Variants in WDR7 observed in about 807,000 individuals in gnomAD.
WDR7 encodes the protein WD repeat-containing protein 7.
A neutral mutation model predicts 169.4 loss-of-function variants in WDR7; 46 were observed. The ratio of observed to expected loss-of-function variants is 0.27; its 90% CI spans 0.21 to 0.35. WDR7 has a LOEUF of 0.35. Ranked by LOEUF, WDR7 falls within the 10% of genes least tolerant of loss-of-function variation. The pLI, the probability that WDR7 is intolerant of heterozygous loss-of-function variation, is 1.00. For missense variants in WDR7, 1,534 were observed against 1,859.3 expected, an observed-to-expected ratio of 0.83 and a Z score of 3.22; for synonymous variants, 612 against 666.8, an observed-to-expected ratio of 0.92 and a Z score of 1.27.
intron 16 of WDR7, 48 bp from the exon 17 acceptor site, chr18:56,776,724 TCAGAAACTGC>T: frequency 6.7e-7 from 1 of 1,496,580 alleles, no homozygotes. Context: ...AAGCTTTTTT[TCAGAAACTGC>T]TGTACTTCAA....
At chr18:56,810,857 T>A (rs1456856089) in intron 19 of WDR7, among the ~76,000 whole-genome samples, 4 of 152,066 alleles carry the variant, frequency 2.6e-5, no homozygotes, top group Non-Finnish European at 5.9e-5. Flanking sequence ...TGATTTAGAG[T>A]TGTACAAGCA....
downstream of WDR7, chr18:57,033,575 G>T (rs944754816): frequency 1.3e-5 from 2 of 152,094 alleles, no homozygotes; most frequent in Non-Finnish European, 2.9e-5. Flanking sequence ...CTTTATTTAA[G>T]AAAAGCTTTT....
chr18:56,861,729 T>A (rs1259184134), intron 20 of WDR7, among the ~76,000 whole-genome samples: 1 of 152,166 alleles, frequency 6.6e-6, no homozygotes, highest in African/African-American at 2.4e-5. Context: ...GTGAACAGCA[T>A]GTTAAGGTTT....
intron 22 of WDR7, among the ~76,000 whole-genome samples, chr18:56,928,632 A>G (rs2046838870): frequency 6.6e-6 from 1 of 152,190 alleles, no homozygotes; most frequent in Non-Finnish European, 1.5e-5. Context: ...GCAGGGATAT[A>G]GTGGCCTGGG....
At chr18:56,914,560 C>T (rs1052529912) in intron 21 of WDR7, among the ~76,000 whole-genome samples, 2 of 152,144 alleles carry the variant, frequency 1.3e-5, no homozygotes, top group East Asian at 1.9e-4. Context: ...CCATCTCTTT[C>T]GCTCATGCCA....
At chr18:56,657,581 T>G (rs1265429451) in intron 1 of WDR7, among the ~76,000 whole-genome samples, 1 of 152,250 alleles carries the variant, frequency 6.6e-6, no homozygotes, top group African/African-American at 2.4e-5. Context: ...AGCTGAGAGC[T>G]ATGGATAGCT....
intron 25 of WDR7, among the ~76,000 whole-genome samples, chr18:56,949,244 A>C (rs2047148172): frequency 6.6e-6 from 1 of 152,064 alleles, no homozygotes; most frequent in Non-Finnish European, 1.5e-5. Context: ...TCAGGATCTC[A>C]TCAAAATTGA....
chr18:56,664,209 C>A (rs1383696589), intron 1 of WDR7, among the ~76,000 whole-genome samples: 1 of 152,104 alleles, frequency 6.6e-6, no homozygotes, highest in Non-Finnish European at 1.5e-5. Flanking sequence ...GGATTGTTGA[C>A]CCCTTCATGT....
intron 1 of WDR7, among the ~76,000 whole-genome samples, chr18:56,654,228 T>C (rs1214797455): frequency 6.6e-6 from 1 of 152,048 alleles, no homozygotes; most frequent in Non-Finnish European, 1.5e-5. Flanking sequence ...GTCTCCCAGG[T>C]TCAAGCGATT....
downstream of WDR7, chr18:57,030,300 T>C (rs1268588046): frequency 6.6e-6 from 1 of 152,216 alleles, no homozygotes; most frequent in African/African-American, 2.4e-5. Flanking sequence ...CTCTTAATTA[T>C]TTCAGATAAG....
In WDR7 at chr18:57,027,641, C is replaced by G. The variant is rs371644384; in HGVS notation, c.*434C>G. The stretch of plus-strand genomic sequence containing the variant: ...CCGTTCTGACACTGGGTGTTGAGGT[C>G]ATGTGGCAGTCCTCACGATTGAAAT... On this transcript the variant is annotated 3_prime_UTR_variant, in exon 28 of 28. Transcript: ENST00000254442. The G allele has an allele frequency of 3.8e-4, 67 of 175,532 alleles. 2 individuals carry two copies. The South Asian group carries it at 9.8e-3, about 26-fold the overall frequency. 10.9% of individuals were successfully genotyped at this position (175,532 alleles called of 1,614,324 possible). A position where few individuals can be genotyped will look rare whatever the true frequency, so the allele number is the denominator to read the frequency against.
intron 20 of WDR7, among the ~76,000 whole-genome samples, chr18:56,818,921 T>C (rs2045031554): frequency 6.6e-6 from 1 of 152,190 alleles, no homozygotes; most frequent in African/African-American, 2.4e-5. Flanking sequence ...TCATGACAGG[T>C]ATTTGCCTGC....
chr18:56,672,453 G>A (rs2025156460), intron 1 of WDR7, 44 bp from the exon 2 acceptor site: 4 of 1,365,620 alleles, frequency 2.9e-6, no homozygotes, highest in Non-Finnish European at 3.8e-6. Context: ...ACATGTTTTC[G>A]AGAGAAATAT....
At chr18:56,757,860 T>C (rs1420484598) in intron 15 of WDR7, among the ~76,000 whole-genome samples, 3 of 151,976 alleles carry the variant, frequency 2.0e-5, no homozygotes, top group Admixed American at 6.6e-5. Flanking sequence ...TCCCAGCTAC[T>C]TGGGGGGCTG....
At chr18:56,779,408 G>C (rs1481831335) in intron 17 of WDR7, 23 bp from the exon 18 acceptor site, 2 of 1,565,464 alleles carry the variant, frequency 1.3e-6, no homozygotes, top group Non-Finnish European at 1.7e-6. Context: ...TAAAGAATTT[G>C]TAATATATTA....
At chr18:56,945,867 G>A (rs1313558032) in intron 25 of WDR7, among the ~76,000 whole-genome samples, 2 of 152,156 alleles carry the variant, frequency 1.3e-5, no homozygotes, top group Non-Finnish European at 2.9e-5. Flanking sequence ...CTGTGGCCAT[G>A]TTGTGTTATG....
intron 21 of WDR7, among the ~76,000 whole-genome samples, chr18:56,885,122 A>G (rs1389811821): frequency 6.6e-6 from 1 of 152,178 alleles, no homozygotes; most frequent in African/African-American, 2.4e-5. Flanking sequence ...CCCATGGGAC[A>G]AAAGAATCTG....
chr18:56,907,292 A>G (rs1025641661), intron 21 of WDR7, among the ~76,000 whole-genome samples: 1 of 146,472 alleles, frequency 6.8e-6, no homozygotes, highest in African/African-American at 2.5e-5. Context: ...GCCAGAGAGT[A>G]TGTTAAGCAT....
intron 21 of WDR7, among the ~76,000 whole-genome samples, chr18:56,918,698 C>T (rs1247694157): frequency 6.6e-6 from 1 of 152,134 alleles, no homozygotes; most frequent in East Asian, 1.9e-4. Context: ...TCATATTTCA[C>T]CATACAACTG....
Sources: allele counts gnomAD v4.1 joint callset (sites outside exome capture counted in the v4.1 genomes callset), GRCh38; gene constraint gnomAD v4.1.1; transcripts MANE v1.5; gene names NCBI Gene and HGNC (gene_info 2026-07-23, HGNC 2026-07-21).